Variants in ELMOD2 observed in about 807,000 individuals in gnomAD.
ELMOD2 encodes the protein ELMO domain containing 2.
In ELMOD2, 28 loss-of-function variants were observed where a neutral mutation model predicts 41.0. The observed-to-expected ratio is 0.68, with a 90% CI of 0.51 to 0.94. The LOEUF is 0.94. ELMOD2 is among the 40% of genes least tolerant of loss of function. The pLI, the probability that ELMOD2 is intolerant of heterozygous loss-of-function variation, is 0.00. For synonymous variants in ELMOD2, 106 were observed against 107.2 expected, an observed-to-expected ratio of 0.99 and a Z score of 0.07; for missense variants, 333 against 343.1, an observed-to-expected ratio of 0.97 and a Z score of 0.23.
rs141736220 is a variant in ELMOD2 at position 140,536,332 on chromosome 4, T to C, written c.269+502T>C. On this transcript the variant is annotated intron_variant, in intron 4 of 8. Coordinates refer to ENST00000323570, the MANE Select transcript of ELMOD2 (RefSeq NM_153702.4). ...CATTTCTGTGTTCCCAGCGCTGGTA[T>C]GTTGACATAGTATTTCACACTTTTT... Among the ~76,000 whole-genome samples the C allele has an allele frequency of 3.9e-5, 6 of 152,318 alleles. No individual in the cohort carries two copies. The East Asian group carries it at 1.2e-3, about 29-fold the overall frequency.
chr4:140,531,168 A>T (rs752444168), intron 3 of ELMOD2, among the ~76,000 whole-genome samples: 1 of 152,188 alleles, frequency 6.6e-6, no homozygotes, highest in South Asian at 2.1e-4. Context: ...ATTACCAATG[A>T]TTGCTGTGAA....
chr4:140,535,568 A>G (rs551366846), intron 3 of ELMOD2, 165 bp from the exon 4 acceptor site: 6 of 595,428 alleles, frequency 1.0e-5, no homozygotes, highest in African/African-American at 7.6e-5. Flanking sequence ...ATATATATAT[A>G]TGTGAATTTA....
chr4:140,542,042 A>G (rs1028815678), intron 6 of ELMOD2, among the ~76,000 whole-genome samples: 34 of 152,176 alleles, frequency 2.2e-4, no homozygotes, highest in African/African-American at 7.7e-4. Flanking sequence ...AGATAGTTTC[A>G]TATACATCTC....
Position 140,550,375 on chromosome 4 carries a change from AATC to A in ELMOD2, c.*4_*6del. On this transcript the variant is annotated 3_prime_UTR_variant, in exon 9 of 9. Transcript: ENST00000323570. ...ATGTAGCACTTACTTTAAAAGTATA[AATC>A]ATCCACTGTATCTTCTATTTCTACC... The A allele has an allele frequency of 6.3e-7, 1 of 1,596,524 alleles. No individual in the cohort carries two copies. The highest frequency in any genetic ancestry group is 8.5e-7 in the Non-Finnish European group (1 of 1,173,636).
chr4:140,541,985 G>A (rs1269312244), intron 6 of ELMOD2, among the ~76,000 whole-genome samples: 1 of 151,918 alleles, frequency 6.6e-6, no homozygotes, highest in East Asian at 1.9e-4. Context: ...TGATCCTAAG[G>A]TTAAATAGAT....
chr4:140,539,855 G>A (rs1276161622), intron 5 of ELMOD2, among the ~76,000 whole-genome samples: 1 of 152,048 alleles, frequency 6.6e-6, no homozygotes, highest in East Asian at 1.9e-4. Context: ...CTGAAGCAAG[G>A]GCTAAGTTCC....
At chr4:140,534,751 TAAG>T (rs1262210401) in intron 3 of ELMOD2, among the ~76,000 whole-genome samples, 1 of 152,086 alleles carries the variant, frequency 6.6e-6, no homozygotes, top group Admixed American at 6.6e-5. Context: ...TAAGAGTAAA[TAAG>T]AGAGACAAAT....
At chr4:140,530,020 G>C (rs191731626) in intron 3 of ELMOD2, among the ~76,000 whole-genome samples, 87 of 152,268 alleles carry the variant, frequency 5.7e-4, no homozygotes, top group Admixed American at 1.6e-3. Flanking sequence ...AATATTTATT[G>C]AGTGAATGAA....
intron 2 of ELMOD2, 50 bp from the exon 3 acceptor site, chr4:140,527,416 A>G: frequency 2.1e-6 from 3 of 1,440,676 alleles, no homozygotes; most frequent in Non-Finnish European, 1.9e-6. Flanking sequence ...AGGGTAATTG[A>G]CAAACAGCAT....
intron 3 of ELMOD2, 111 bp downstream of exon 3, chr4:140,527,605 G>A: frequency 4.7e-6 from 4 of 858,006 alleles, no homozygotes; most frequent in Non-Finnish European, 7.1e-6. Context: ...AGCATTGAGT[G>A]AAATTTTCCC....
Position 140,527,599 on chromosome 4 carries a change from T to A in ELMOD2, c.171+105T>A, listed in dbSNP as rs566882481. ...AGAAGAGTGTTTTCTATAGTGAGCA[T>A]TGAGTGAAATTTTCCCCGTTTAGAG... On this transcript the variant is annotated intron_variant, in intron 3 of 8. Transcript: ENST00000323570. The A allele has an allele frequency of 1.6e-5, 15 of 913,834 alleles. No homozygotes were observed. In the African/African-American group the frequency reaches 2.2e-4, roughly 14 times the overall value. The allele number at this position is 913,834 out of a possible 1,614,324, so 56.6% of individuals were successfully genotyped here. A position where few individuals can be genotyped will look rare whatever the true frequency, so the allele number is the denominator to read the frequency against.
Position 140,553,750 on chromosome 4 carries a change from TA to T in ELMOD2, c.*3381del, listed in dbSNP as rs1248028065. 1 of 152,108 alleles carries T rather than the reference TA, an allele frequency of 6.6e-6. No homozygotes were observed. 9.4% of individuals were successfully genotyped at this position (152,108 alleles called of 1,614,324 possible). On this transcript the variant is annotated 3_prime_UTR_variant, in exon 9 of 9. Transcript: ENST00000323570. ...TTGTTTGGAATGTTAAGTGAGCAAATAAAAAACATGTTGAAATTGTTGTAAG... is the reference window on the plus strand; with the variant it reads ...TTGTTTGGAATGTTAAGTGAGCAAATAAAAACATGTTGAAATTGTTGTAAG...
chr4:140,539,462 C>T (rs975514328), intron 5 of ELMOD2, among the ~76,000 whole-genome samples: 4 of 151,576 alleles, frequency 2.6e-5, no homozygotes, highest in South Asian at 2.1e-4. Context: ...CCCGGGTTCA[C>T]GCCATTCTCC....
At chr4:140,527,636 T>C (rs1734613256) in intron 3 of ELMOD2, 142 bp downstream of exon 3, 1 of 629,460 alleles carries the variant, frequency 1.6e-6, no homozygotes. Flanking sequence ...TAATATTCTG[T>C]TTTCAAACAT....
chr4:140,534,550 A>T (rs1363711247), intron 3 of ELMOD2, among the ~76,000 whole-genome samples: 1 of 152,178 alleles, frequency 6.6e-6, no homozygotes, highest in African/African-American at 2.4e-5. Flanking sequence ...ATCAATTTTT[A>T]AAAAAGTAAT....
rs1393264698 is a variant in ELMOD2, at chr4:140,553,025, A to G, written c.*2650A>G. The G allele has an allele frequency of 6.6e-6, 1 of 152,064 alleles. No homozygotes were observed. The highest frequency in any genetic ancestry group is 2.4e-5 in the African/African-American group (1 of 41,434). The allele number at this position is 152,064 out of a possible 1,614,324, so 9.4% of individuals were successfully genotyped here. A position where few individuals can be genotyped will look rare whatever the true frequency, so the allele number is the denominator to read the frequency against. On this transcript the variant is annotated 3_prime_UTR_variant, in exon 9 of 9. Coordinates refer to ENST00000323570, the MANE Select transcript of ELMOD2 (RefSeq NM_153702.4). ...AACAATCTTTTTCTTAAAAATGCCC[A>G]TCTGATTTCTATTTTTAGGAGCTAC...
At position 140,550,433 on chromosome 4, in the gene ELMOD2, GT is replaced by G; in HGVS notation, c.*60del. The G allele has an allele frequency of 6.8e-7, 1 of 1,469,846 alleles. No individual in the cohort carries two copies. The highest frequency in any genetic ancestry group is 1.3e-5 in the South Asian group (1 of 77,506). The allele number at this position is 1,469,846 out of a possible 1,614,324, so 91.1% of individuals were successfully genotyped here. A position where few individuals can be genotyped will look rare whatever the true frequency, so the allele number is the denominator to read the frequency against. On this transcript the variant is annotated 3_prime_UTR_variant, in exon 9 of 9. Coordinates refer to ENST00000323570, the MANE Select transcript of ELMOD2 (RefSeq NM_153702.4). ...TTTGCACATTCAACAGAATTTATAT[GT>G]TGTAATAGGAATTATCTGATCAATT...
At chr4:140,544,900 T>G (rs1735223801) in intron 8 of ELMOD2, among the ~76,000 whole-genome samples, 2 of 152,148 alleles carry the variant, frequency 1.3e-5, no homozygotes, top group African/African-American at 4.8e-5. Context: ...GCCCTGGGGA[T>G]GTAGCAGAGA....
intron 6 of ELMOD2, among the ~76,000 whole-genome samples, chr4:140,541,097 G>T (rs138228954): frequency 4.3e-4 from 66 of 152,236 alleles, no homozygotes; most frequent in African/African-American, 1.5e-3. Flanking sequence ...CCCCAAATAT[G>T]TAAGTGAAGT....
Sources: gnomAD v4.1 joint callset for allele counts (sites outside exome capture counted in the v4.1 genomes callset) on GRCh38, gnomAD v4.1.1 for gene constraint, MANE v1.5 for transcripts, NCBI Gene and HGNC (gene_info 2026-07-23, HGNC 2026-07-21) for gene names.